The following FRMD6 variants were observed in gnomAD, a reference collection of about 807,000 sequenced individuals.
FRMD6 encodes FERM domain-containing protein 6.
A neutral mutation model predicts 73.2 loss-of-function variants in FRMD6; 37 were observed. The observed-to-expected ratio is 0.51, with a 90% CI of 0.39 to 0.66. The LOEUF (loss-of-function observed/expected upper bound fraction) is 0.66. Among genes scored for constraint, FRMD6 ranks in the 30% least tolerant of loss-of-function variants. The pLI, the probability that FRMD6 is intolerant of heterozygous loss-of-function variation, is 0.00. For synonymous variants in FRMD6, 273 were observed against 282.2 expected, an observed-to-expected ratio of 0.97 and a Z score of 0.33; for missense variants, 714 against 780.5, an observed-to-expected ratio of 0.91 and a Z score of 1.02.
chr14:51,576,618 A>C (rs1320820045), intron 2 of FRMD6, among the ~76,000 whole-genome samples: 1 of 152,012 alleles, frequency 6.6e-6, no homozygotes, highest in Non-Finnish European at 1.5e-5. Context: ...TGCACCCCTA[A>C]GCTCACGTTC....
intron 2 of FRMD6, among the ~76,000 whole-genome samples, chr14:51,581,430 T>A (rs933781115): frequency 3.9e-5 from 6 of 152,170 alleles, no homozygotes; most frequent in Non-Finnish European, 5.9e-5. Context: ...ACAAAGTGAG[T>A]CATCTCCAAG....
chr14:51,398,878 C>T, the FRMD6 span, among the ~76,000 whole-genome samples: 2 of 152,116 alleles, frequency 1.3e-5, no homozygotes, highest in African/African-American at 4.8e-5. Flanking sequence ...TAGATCTGCT[C>T]ACTCCTTGGC....
chr14:51,463,658 C>T, the FRMD6 span, among the ~76,000 whole-genome samples: 23 of 152,348 alleles, frequency 1.5e-4, 1 homozygote, highest in Middle Eastern at 0.017. Flanking sequence ...CCAGTGAGCA[C>T]GCTACATGCA....
At chr14:51,600,666 A>G (rs1889985977) in intron 2 of FRMD6, among the ~76,000 whole-genome samples, 1 of 152,202 alleles carries the variant, frequency 6.6e-6, no homozygotes, top group Non-Finnish European at 1.5e-5. Context: ...TTCATCTACA[A>G]TGTTTAAGCC....
intron 1 of FRMD6, among the ~76,000 whole-genome samples, chr14:51,679,555 C>CTTTTTTTTTTTTTTTT (rs61250963): frequency 8.3e-6 from 1 of 120,586 alleles, no homozygotes; most frequent in African/African-American, 3.0e-5. Context: ...CATTTGTTTT[C>CTTTTTTTTTTTTTTTT]TTTTTTTTTT....
At chr14:51,494,081 T>A (rs1232327081) in intron 1 of FRMD6, among the ~76,000 whole-genome samples, 1 of 152,026 alleles carries the variant, frequency 6.6e-6, no homozygotes, top group Non-Finnish European at 1.5e-5. Context: ...ACCTATGAAT[T>A]CTTGGGGTAC....
intron 2 of FRMD6, among the ~76,000 whole-genome samples, chr14:51,624,977 A>C (rs1198687756): frequency 1.3e-5 from 2 of 152,246 alleles, no homozygotes. Flanking sequence ...GGTAGAAGAA[A>C]AATTGTAATG....
At chr14:51,567,802 C>T (rs991903429) in intron 1 of FRMD6, among the ~76,000 whole-genome samples, 6 of 152,176 alleles carry the variant, frequency 3.9e-5, no homozygotes, top group African/African-American at 1.4e-4. Context: ...TTCATATGTA[C>T]AGATTTTGTA....
the FRMD6 span, among the ~76,000 whole-genome samples, chr14:51,434,624 A>T: frequency 6.6e-6 from 1 of 152,216 alleles, no homozygotes; most frequent in Non-Finnish European, 1.5e-5. Context: ...AGAGGAAATT[A>T]TTTAAATAAA....
intron 1 of FRMD6, among the ~76,000 whole-genome samples, chr14:51,681,641 A>T (rs1444219433): frequency 6.6e-6 from 1 of 152,172 alleles, no homozygotes; most frequent in Non-Finnish European, 1.5e-5. Context: ...TCCTCTTTCA[A>T]AACTTAGCCT....
At chr14:51,558,515 C>A (rs75541439) in intron 1 of FRMD6, among the ~76,000 whole-genome samples, 1 of 150,754 alleles carries the variant, frequency 6.6e-6, no homozygotes, top group Admixed American at 6.6e-5. Context: ...AAATGAATAA[C>A]TGAGTATATA....
At chr14:51,492,320 T>A (rs897889903) in intron 1 of FRMD6, among the ~76,000 whole-genome samples, 12 of 152,196 alleles carry the variant, frequency 7.9e-5, no homozygotes, top group Non-Finnish European at 1.8e-4. Context: ...ACCAGTCTTG[T>A]GATAGCTCAT....
At chr14:51,565,822 A>G (rs1887738914) in intron 1 of FRMD6, among the ~76,000 whole-genome samples, 1 of 152,176 alleles carries the variant, frequency 6.6e-6, no homozygotes. Flanking sequence ...AACAAAAACC[A>G]GGAAAGTTTA....
intron 1 of FRMD6, among the ~76,000 whole-genome samples, chr14:51,657,530 T>TA (rs1332698576): frequency 1.3e-5 from 2 of 152,210 alleles, no homozygotes; most frequent in Non-Finnish European, 2.9e-5. Context: ...CAAATTGATG[T>TA]AGGTCGCAAT....
chr14:51,673,260 T>C (rs1003836531), intron 1 of FRMD6, among the ~76,000 whole-genome samples: 3 of 151,976 alleles, frequency 2.0e-5, no homozygotes, highest in African/African-American at 7.2e-5. Context: ...CTCTGCCTTG[T>C]GGAGTTTTTT....
intron 1 of FRMD6, among the ~76,000 whole-genome samples, chr14:51,689,226 A>G (rs1020807980): frequency 5.9e-5 from 9 of 152,230 alleles, no homozygotes; most frequent in Admixed American, 2.6e-4. Context: ...TGGTGAAGTG[A>G]AGGAAGTGTA....
At chr14:51,504,944 C>T (rs1171472070) in intron 1 of FRMD6, among the ~76,000 whole-genome samples, 1 of 152,222 alleles carries the variant, frequency 6.6e-6, no homozygotes, top group African/African-American at 2.4e-5. Flanking sequence ...CAGCATGGCA[C>T]AGCGCCATGC....
upstream of FRMD6, among the ~76,000 whole-genome samples, chr14:51,485,765 C>A (rs912328871): frequency 1.3e-5 from 2 of 152,154 alleles, no homozygotes; most frequent in African/African-American, 4.8e-5. Context: ...ATTATATATG[C>A]TGGATATATG....
At chr14:51,616,146 G>C (rs1324765470) in intron 2 of FRMD6, among the ~76,000 whole-genome samples, 1 of 152,080 alleles carries the variant, frequency 6.6e-6, no homozygotes, top group Non-Finnish European at 1.5e-5. Flanking sequence ...GCGCATGAGA[G>C]GATAGGAAGT....
Sources: gnomAD v4.1 joint callset for allele counts (sites outside exome capture counted in the v4.1 genomes callset) on GRCh38, gnomAD v4.1.1 for gene constraint, MANE v1.5 for transcripts, NCBI Gene and HGNC (gene_info 2026-07-23, HGNC 2026-07-21) for gene names.